The following ADAMTS2 variants were observed in gnomAD, a reference collection of about 807,000 sequenced individuals.
ADAMTS2 encodes A disintegrin and metalloproteinase with thrombospondin motifs 2.
A neutral mutation model predicts 123.0 loss-of-function variants in ADAMTS2; 50 were observed. The observed-to-expected ratio is 0.41, with a 90% CI of 0.32 to 0.51. The LOEUF is 0.51. ADAMTS2 is among the 20% of genes least tolerant of loss of function. ADAMTS2 has a pLI of 0.35. For missense variants in ADAMTS2, 1,494 were observed against 1,705.2 expected (o/e 0.88, Z 2.18); for synonymous variants, 678 against 695.4 (o/e 0.98, Z 0.39).
chr5:179,207,494 CCT>C lies in ADAMTS2; in HGVS notation c.891+17_891+18del. 3 of 1,555,448 alleles carry C rather than the reference CCT, an allele frequency of 1.9e-6. No individual in the cohort carries two copies. The highest frequency in any genetic ancestry group is 1.8e-6 in the Non-Finnish European group (2 of 1,130,234). On this transcript the variant is annotated intron_variant, in intron 4 of 21. Transcript: ENST00000251582. ...TGACCCTCCCCGCCCCACCCTGCCC[CCT>C]CAGCCACCCCACTCACAATGTTCAT...
intron 4 of ADAMTS2, among the ~76,000 whole-genome samples, chr5:179,205,090 T>C (rs1244240483): frequency 1.3e-5 from 2 of 152,174 alleles, no homozygotes; most frequent in Non-Finnish European, 2.9e-5. Context: ...AAATAGGGGG[T>C]ACGGCTGGAT....
chr5:179,326,479 CCCCCGGCCCCG>C (rs946231565), intron 2 of ADAMTS2, among the ~76,000 whole-genome samples: 7 of 50,864 alleles, frequency 1.4e-4, no homozygotes, highest in Admixed American at 2.6e-4. Context: ...CTGTGCCCCG[CCCCCGGCCCCG>C]CCCCCCACTC....
rs765054121 is a variant in ADAMTS2, at chr5:179,153,511, C to T, written c.1495G>A (p.Gly499Ser). Residue 499 changes from glycine to serine, a missense_variant, in exon 9 of 22, where the codon GGC becomes AGC. Gly to Ser is a moderately conservative substitution (Grantham distance 56). Transcript: ENST00000251582. ...CTCACCGCCGTGCACATCATGTAGCCCAGGCCGAAGTCAAAGCGGCATTGC... is the reference window on the plus strand; with the variant it reads ...CTCACCGCCGTGCACATCATGTAGCTCAGGCCGAAGTCAAAGCGGCATTGC... ...NEQCRFDFGLGYMMCTAFRTF... is the reference protein window; with the variant it reads ...NEQCRFDFGLSYMMCTAFRTF... 8 of 1,610,034 alleles carry T rather than the reference C, an allele frequency of 5.0e-6. No homozygotes were observed. In the African/African-American group the frequency reaches 1.1e-4, roughly 21 times the overall value.
At position 179,129,079 on chromosome 5, in the gene ADAMTS2, C is replaced by T. The variant is rs1404569782; in HGVS notation, c.2457+853G>A. Among the ~76,000 whole-genome samples, 2 of 152,172 alleles carry T rather than the reference C, an allele frequency of 1.3e-5. No homozygotes were observed. Among genetic ancestry groups the T allele is most frequent in the African/African-American group, 4.8e-5 (2 of 41,448 alleles). ...CCACTCTGTGCGTGTCCGTTTGGGG[C>T]TCACGAATCAATTTTAGTGAGCAGG... On this transcript the variant is annotated intron_variant, in intron 16 of 21. Transcript: ENST00000251582. The surrounding 1 kb of genome is among the most constrained non-coding windows in gnomAD (Gnocchi z 4.1).
At chr5:179,229,066 C>A (rs1357065816) in intron 3 of ADAMTS2, among the ~76,000 whole-genome samples, 1 of 152,120 alleles carries the variant, frequency 6.6e-6, no homozygotes, top group Admixed American at 6.5e-5. Flanking sequence ...CTCGGTCAGG[C>A]CACCCTCTCT....
At chr5:179,259,543 GCT>G (rs1561647164) in intron 3 of ADAMTS2, among the ~76,000 whole-genome samples, 53 of 152,184 alleles carry the variant, frequency 3.5e-4, no homozygotes, top group African/African-American at 1.3e-3. Flanking sequence ...GCCAAGGCAC[GCT>G]GGGAGCAGTG....
Position 179,129,614 on chromosome 5 carries a change from A to T in ADAMTS2, c.2457+318T>A, listed in dbSNP as rs1387470682. ...AGCGTCACCTCCCAGAGTGTCACCG[A>T]TTCCAATGTAACAGCACACTCGAAC... is the stretch of plus-strand genomic sequence containing the variant. On this transcript the variant is annotated intron_variant, in intron 16 of 21. Coordinates refer to ENST00000251582, the MANE Select transcript of ADAMTS2 (RefSeq NM_014244.5). This position sits in a 1 kb window ranked among gnomAD's most constrained non-coding sequence, Gnocchi z 4.1. Among the ~76,000 whole-genome samples the T allele has an allele frequency of 6.6e-6, 1 of 152,102 alleles. No individual in the cohort carries two copies. Among genetic ancestry groups the T allele is most frequent in the Non-Finnish European group, 1.5e-5 (1 of 68,014 alleles).
intron 3 of ADAMTS2, among the ~76,000 whole-genome samples, chr5:179,210,315 C>T (rs922094278): frequency 3.3e-5 from 5 of 152,236 alleles, no homozygotes; most frequent in Non-Finnish European, 7.3e-5. Flanking sequence ...GGTGCCGCAT[C>T]GGGACAGAGC....
intron 2 of ADAMTS2, among the ~76,000 whole-genome samples, chr5:179,340,445 G>C (rs146447712): frequency 6.6e-6 from 1 of 152,360 alleles, no homozygotes; most frequent in African/African-American, 2.4e-5. Context: ...CACTCACACT[G>C]ACGATGGTCA....
intron 2 of ADAMTS2, among the ~76,000 whole-genome samples, chr5:179,328,123 C>G (rs1321339479): frequency 1.3e-5 from 2 of 152,244 alleles, no homozygotes; most frequent in African/African-American, 4.8e-5. Flanking sequence ...GGCTCCGCCT[C>G]CCGGGTTCAC....
At chr5:179,288,597 G>A (rs1756094050) in intron 2 of ADAMTS2, among the ~76,000 whole-genome samples, 1 of 152,188 alleles carries the variant, frequency 6.6e-6, no homozygotes, top group Non-Finnish European at 1.5e-5. Flanking sequence ...TCTGGGATGT[G>A]TATTTATTCT....
chr5:179,199,768 C>T (rs996131511), intron 4 of ADAMTS2, among the ~76,000 whole-genome samples: 9 of 152,204 alleles, frequency 5.9e-5, no homozygotes, highest in Non-Finnish European at 5.9e-5. Context: ...CAGCCTGAGG[C>T]ACCCATCAGG....
At chr5:179,123,575 G>A (rs1247252176) in intron 19 of ADAMTS2, among the ~76,000 whole-genome samples, 1 of 152,160 alleles carries the variant, frequency 6.6e-6, no homozygotes, top group African/African-American at 2.4e-5. Flanking sequence ...ACAGGCACAC[G>A]CCACCACATC....
At chr5:179,239,551 C>G (rs975692213) in intron 3 of ADAMTS2, among the ~76,000 whole-genome samples, 15 of 152,188 alleles carry the variant, frequency 9.9e-5, no homozygotes, top group African/African-American at 3.6e-4. Flanking sequence ...GCAGATTCTG[C>G]TGGAGTCAGG....
intron 3 of ADAMTS2, among the ~76,000 whole-genome samples, chr5:179,250,924 C>A (rs555888228): frequency 6.6e-6 from 1 of 152,232 alleles, no homozygotes; most frequent in Admixed American, 6.5e-5. Context: ...AGTGGAGCCC[C>A]AGCTGAAACA....
At chr5:179,288,595 G>A (rs1295676382) in intron 2 of ADAMTS2, among the ~76,000 whole-genome samples, 1 of 152,206 alleles carries the variant, frequency 6.6e-6, no homozygotes, top group Non-Finnish European at 1.5e-5. Context: ...ACTCTGGGAT[G>A]TGTATTTATT....
At chr5:179,146,938 C>T (rs559583974) in intron 10 of ADAMTS2, among the ~76,000 whole-genome samples, 1 of 152,314 alleles carries the variant, frequency 6.6e-6, no homozygotes, top group African/African-American at 2.4e-5. Flanking sequence ...ACTTTCAAAA[C>T]GGAAGTGAAA....
At position 179,158,672 on chromosome 5, in the gene ADAMTS2, G is replaced by A; in HGVS notation, c.1132+51C>T. On this transcript the variant is annotated intron_variant, in intron 6 of 21. Transcript: ENST00000251582. The surrounding 1 kb of genome is among the most constrained non-coding windows in gnomAD (Gnocchi z 5.0). ...CTCCCGGGGCCCCTTGCATGGCCAGGGGCTCATTTCCAGCTTCACGCCTCT... is the reference window on the plus strand; with the variant it reads ...CTCCCGGGGCCCCTTGCATGGCCAGAGGCTCATTTCCAGCTTCACGCCTCT... The A allele has an allele frequency of 6.2e-7, 1 of 1,613,150 alleles. No individual in the cohort carries two copies. The highest frequency in any genetic ancestry group is 8.5e-7 in the Non-Finnish European group (1 of 1,179,868).
At chr5:179,206,400 G>A (rs1561804706) in intron 4 of ADAMTS2, among the ~76,000 whole-genome samples, 1 of 152,162 alleles carries the variant, frequency 6.6e-6, no homozygotes, top group Non-Finnish European at 1.5e-5. Flanking sequence ...CAGATCCTGA[G>A]CAGACCTGCA....
Sources: gnomAD v4.1 joint callset for allele counts (sites outside exome capture counted in the v4.1 genomes callset) on GRCh38, gnomAD v4.1.1 for gene constraint, Gnocchi (gnomAD v3.1) non-coding constraint, MANE v1.5 for transcripts, NCBI Gene and HGNC (gene_info 2026-07-23, HGNC 2026-07-21) for gene names.